The following ATP2A2 variants were observed in gnomAD, a reference collection of about 807,000 sequenced individuals.
ATP2A2 encodes sarcoplasmic/endoplasmic reticulum calcium ATPase 2.
Under a neutral mutation model 109.3 loss-of-function variants are expected in ATP2A2, and 14 were observed. The observed-to-expected ratio is 0.13, with a 90% CI of 0.08 to 0.20. The LOEUF (loss-of-function observed/expected upper bound fraction) is 0.20. Among genes scored for constraint, ATP2A2 ranks in the 10% least tolerant of loss-of-function variants. The pLI, the probability that ATP2A2 is intolerant of heterozygous loss-of-function variation, is 1.00. For synonymous variants in ATP2A2, 506 were observed against 490.9 expected (o/e 1.03, Z -0.41); for missense variants, 657 against 1,321.6 (o/e 0.50, Z 7.80).
upstream of ATP2A2, chr12:110,281,025 C>G (rs1336128221): frequency 6.6e-6 from 1 of 151,794 alleles, no homozygotes; most frequent in African/African-American, 2.4e-5. Flanking sequence ...TCCGCCAGCC[C>G]CGCGACCGCG....
At chr12:110,304,610 A>C (rs1291159638) in intron 5 of ATP2A2, among the ~76,000 whole-genome samples, 1 of 152,072 alleles carries the variant, frequency 6.6e-6, no homozygotes, top group East Asian at 1.9e-4. Flanking sequence ...AAATTAGGTT[A>C]TTTGTCTTTT....
intron 6 of ATP2A2, among the ~76,000 whole-genome samples, chr12:110,325,416 C>T (rs1877686721): frequency 6.6e-6 from 1 of 151,696 alleles, no homozygotes; most frequent in African/African-American, 2.4e-5. Context: ...GGGGGATCAC[C>T]TCAGGTCAGG....
At chr12:110,300,934 A>G (rs1874561473) in intron 5 of ATP2A2, among the ~76,000 whole-genome samples, 1 of 152,180 alleles carries the variant, frequency 6.6e-6, no homozygotes, top group South Asian at 2.1e-4. Flanking sequence ...TTTTCCACAA[A>G]TATATGTGGT....
Position 110,349,197 on chromosome 12 carries a change from TCTC to T in ATP2A2, c.*2734_*2736del, listed in dbSNP as rs1234830165. 6.0e-5 allele frequency: 59 copies of T among 985,510 alleles called. No homozygotes were observed. The African/African-American group carries it at 8.5e-4, about 14-fold the overall frequency. The allele number at this position is 985,510 out of a possible 1,614,324, so 61.0% of individuals were successfully genotyped here. On this transcript the variant is annotated 3_prime_UTR_variant, in exon 20 of 20. Transcript: ENST00000539276. Reference sequence around the variant, plus strand: ...TTTGCTGGGTGAAAACACTTCAGCATCTCCTCCTCAGGTCAACCCATAAAGACC... The same window carrying T: ...TTTGCTGGGTGAAAACACTTCAGCATCTCCTCAGGTCAACCCATAAAGACC...
Position 110,332,665 on chromosome 12 carries a change from T to G in ATP2A2, c.1164T>G (p.Thr388=), listed in dbSNP as rs758471689. The G allele has an allele frequency of 2.5e-6, 4 of 1,612,602 alleles. No individual in the cohort carries two copies. The South Asian group carries it at 3.3e-5, about 13-fold the overall frequency. ...ATGAGTTTACCATAACTGGATCAAC[T>G]TATGCACCTATTGGAGAAGTGTGAG... is the stretch of plus-strand genomic sequence containing the variant. ...SLNEFTITGS[T]YAPIGEVHKD... The change falls in exon 9 of 20, where the codon ACT becomes ACG. Residue 388 remains threonine (T), a synonymous_variant. Transcript: ENST00000539276.
intron 5 of ATP2A2, among the ~76,000 whole-genome samples, chr12:110,313,867 C>T (rs1357567394): frequency 6.6e-6 from 1 of 150,458 alleles, no homozygotes; most frequent in African/African-American, 2.4e-5. Context: ...TGCACCACCC[C>T]ACCTGGCTAT....
In ATP2A2 at chr12:110,348,186, A is replaced by G. The variant is rs1235405567; in HGVS notation, c.*1716A>G. The G allele has an allele frequency of 7.1e-6, 7 of 985,232 alleles. No homozygotes were observed. Among genetic ancestry groups the G allele is most frequent in the Non-Finnish European group, 7.2e-6 (6 of 829,948 alleles). 61.0% of individuals were successfully genotyped at this position (985,232 alleles called of 1,614,324 possible). A position where few individuals can be genotyped will look rare whatever the true frequency, so the allele number is the denominator to read the frequency against. On this transcript the variant is annotated 3_prime_UTR_variant, in exon 20 of 20. Coordinates refer to ENST00000539276, the MANE Select transcript of ATP2A2 (RefSeq NM_170665.4). Reference sequence around the variant, plus strand: ...CTACTTATTTATTAAAAAGCTAAAAACTAGTGAAAGCAAGTAACTGAACCA... The same window carrying G: ...CTACTTATTTATTAAAAAGCTAAAAGCTAGTGAAAGCAAGTAACTGAACCA...
Position 110,350,176 on chromosome 12 carries a change from T to G in ATP2A2, c.*3706T>G. The stretch of plus-strand genomic sequence containing the variant: ...TGCTGGTCTTGAAACCTTGAAAAGA[T>G]CAAGCTGAATGTTCCTTTTCATCTG... On this transcript the variant is annotated 3_prime_UTR_variant, in exon 20 of 20. Transcript: ENST00000539276. 6.2e-7 allele frequency: 1 copy of G among 1,601,760 alleles called. No individual in the cohort carries two copies. Among genetic ancestry groups the G allele is most frequent in the Non-Finnish European group, 8.5e-7 (1 of 1,174,018 alleles).
In ATP2A2 at chr12:110,349,914, G is replaced by A. The variant is rs372195340; in HGVS notation, c.*3444G>A. The A allele has an allele frequency of 7.1e-6, 8 of 1,126,824 alleles. No individual in the cohort carries two copies. In the South Asian group the frequency reaches 7.5e-5, roughly 11 times the overall value. The allele number at this position is 1,126,824 out of a possible 1,614,324, so 69.8% of individuals were successfully genotyped here. ...CCCACAGGGCAGGGACAGGAAGGCTGTGCTGCTACTGGCTGCTCACTTCTC... is the reference window on the plus strand; with the variant it reads ...CCCACAGGGCAGGGACAGGAAGGCTATGCTGCTACTGGCTGCTCACTTCTC... On this transcript the variant is annotated 3_prime_UTR_variant, in exon 20 of 20. Coordinates refer to ENST00000539276, the MANE Select transcript of ATP2A2 (RefSeq NM_170665.4).
intron 6 of ATP2A2, chr12:110,325,906 T>G (rs1289452532): frequency 2.4e-5 from 4 of 166,058 alleles, no homozygotes; most frequent in Non-Finnish European, 5.3e-5. Flanking sequence ...GAAGATTGCT[T>G]GAGCCCAGGA....
chr12:110,345,403 G>A, intron 18 of ATP2A2, 21 bp downstream of exon 18: 1 of 1,614,194 alleles, frequency 6.2e-7, no homozygotes, highest in South Asian at 1.1e-5. Flanking sequence ...CTTCACGGCA[G>A]GCTGAGGCGA....
Position 110,342,258 on chromosome 12 carries a change from C to G in ATP2A2, c.2128C>G (p.Leu710Val). ...TGDGVNDAPA[L>V]KKAEIGIAMG... ...CGATGGCGTGAACGATGCTCCTGCTCTGAAGAAAGCCGAGATTGGCATTGC... is the reference window on the plus strand; with the variant it reads ...CGATGGCGTGAACGATGCTCCTGCTGTGAAGAAAGCCGAGATTGGCATTGC... Residue 710 changes from leucine (L) to valine (V), a missense_variant, in exon 15 of 20, where the codon CTG becomes GTG. By Grantham distance (32) the Leu-to-Val change is conservative. Transcript: ENST00000539276. This position sits in a 1 kb window ranked among gnomAD's most constrained non-coding sequence, Gnocchi z 4.6. 6.2e-7 allele frequency: 1 copy of G among 1,614,246 alleles called. No individual in the cohort carries two copies. The highest frequency in any genetic ancestry group is 8.5e-7 in the Non-Finnish European group (1 of 1,180,046).
chr12:110,346,878 T>C lies in ATP2A2; in HGVS notation c.*408T>C, dbSNP rs1879917716. ...ACTAAATAGCATGTATTGTGTCTTTTGCATGATGATCCGGATTTAATTTGA... is the reference window on the plus strand; with the variant it reads ...ACTAAATAGCATGTATTGTGTCTTTCGCATGATGATCCGGATTTAATTTGA... On this transcript the variant is annotated 3_prime_UTR_variant, in exon 20 of 20. Transcript: ENST00000539276. 9.1e-7 allele frequency: 1 copy of C among 1,098,368 alleles called. No homozygotes were observed. The highest frequency in any genetic ancestry group is 1.7e-5 in the African/African-American group (1 of 58,864). 68.0% of individuals were successfully genotyped at this position (1,098,368 alleles called of 1,614,324 possible). A position where few individuals can be genotyped will look rare whatever the true frequency, so the allele number is the denominator to read the frequency against.
chr12:110,326,160 T>G (rs1030959502), intron 6 of ATP2A2: 8 of 551,712 alleles, frequency 1.5e-5, no homozygotes, highest in Non-Finnish European at 9.8e-6. Flanking sequence ...AAAATTCACT[T>G]TTTTATTTTG....
chr12:110,281,330 GCGCTGAGGGACCCGGGCGAGCGCGC>G lies in ATP2A2; in HGVS notation c.-456_-432del, dbSNP rs1479966514. On this transcript the variant is annotated 5_prime_UTR_variant, in exon 1 of 20. Transcript: ENST00000539276. ...TTCCTCCGCCGCTGTCGGGCGTGCG[GCGCTGAGGGACCCGGGCGAGCGCGC>G]CGCGCACCGCCCCGCCGGCTCGCCT... 3.3e-5 allele frequency: 5 copies of G among 151,770 alleles called. No homozygotes were observed. The allele number at this position is 151,770 out of a possible 1,614,324, so 9.4% of individuals were successfully genotyped here.
At chr12:110,288,101 CTTTT>C (rs71083111) in intron 3 of ATP2A2, among the ~76,000 whole-genome samples, 10 of 87,294 alleles carry the variant, frequency 1.1e-4, no homozygotes, top group African/African-American at 1.6e-4. Flanking sequence ...ATGCTTTGCC[CTTTT>C]TTTTTTTTTT....
intron 6 of ATP2A2, among the ~76,000 whole-genome samples, chr12:110,325,176 T>C (rs1877658584): frequency 6.6e-6 from 1 of 152,190 alleles, no homozygotes. Flanking sequence ...TCGAATATTA[T>C]CTTTCTTTCA....
At chr12:110,307,105 G>A (rs1193108225) in intron 5 of ATP2A2, among the ~76,000 whole-genome samples, 1 of 152,042 alleles carries the variant, frequency 6.6e-6, no homozygotes. Flanking sequence ...GGATCGCTGG[G>A]TTGAATGGTC....
At chr12:110,320,625 C>T (rs1877139912) in intron 5 of ATP2A2, among the ~76,000 whole-genome samples, 1 of 152,210 alleles carries the variant, frequency 6.6e-6, no homozygotes, top group African/African-American at 2.4e-5. Flanking sequence ...GATGTACTCT[C>T]TTCAATGTAG....
Sources: gnomAD v4.1 joint callset for allele counts (sites outside exome capture counted in the v4.1 genomes callset) on GRCh38, gnomAD v4.1.1 for gene constraint, Gnocchi (gnomAD v3.1) non-coding constraint, MANE v1.5 for transcripts, NCBI Gene and HGNC (gene_info 2026-07-23, HGNC 2026-07-21) for gene names.